SLC1A3: variants seen among roughly 807,000 people sequenced by gnomAD.
SLC1A3 encodes the protein solute carrier family 1 member 3.
SLC1A3 carries 21 observed loss-of-function variants against 48.1 expected under a neutral mutation model. The observed-to-expected ratio is 0.44, with a 90% CI of 0.31 to 0.63. The LOEUF (loss-of-function observed/expected upper bound fraction) is 0.63, where lower values mean the gene tolerates loss of function less well. SLC1A3 is among the 20% of genes least tolerant of loss of function. SLC1A3 has a pLI of 0.08. For synonymous variants in SLC1A3, 239 were observed against 251.4 expected, an observed-to-expected ratio of 0.95 and a Z score of 0.47; for missense variants, 546 against 689.0, an observed-to-expected ratio of 0.79 and a Z score of 2.32.
chr5:36,640,628 T>A (rs1368095821), intron 3 of SLC1A3, among the ~76,000 whole-genome samples: 1 of 152,126 alleles, frequency 6.6e-6, no homozygotes, highest in Non-Finnish European at 1.5e-5. Context: ...GGATAAGTAA[T>A]AAGTCAAAAA....
At chr5:36,644,160 T>C (rs777039550) in intron 3 of SLC1A3, among the ~76,000 whole-genome samples, 23 of 144,866 alleles carry the variant, frequency 1.6e-4, no homozygotes, top group Non-Finnish European at 2.4e-4. Context: ...CAAAGAGATA[T>C]AATAGCCAAA....
At chr5:36,659,428 A>C (rs142514044) in intron 3 of SLC1A3, among the ~76,000 whole-genome samples, 7 of 152,346 alleles carry the variant, frequency 4.6e-5, no homozygotes, top group Non-Finnish European at 1.0e-4. Flanking sequence ...CTTTTTTAAA[A>C]GCAAAAATAA....
intron 9 of SLC1A3, 135 bp downstream of exon 9, chr5:36,684,133 C>A: frequency 8.8e-7 from 1 of 1,139,068 alleles, no homozygotes; most frequent in Non-Finnish European, 1.3e-6. Context: ...TTAAATTGTC[C>A]TTATTGTCTG....
At chr5:36,681,340 G>A (rs893848993) in intron 8 of SLC1A3, among the ~76,000 whole-genome samples, 3 of 152,056 alleles carry the variant, frequency 2.0e-5, no homozygotes, top group Admixed American at 2.0e-4. Flanking sequence ...TACATAGTAT[G>A]GATATTTCTC....
chr5:36,621,048 G>A (rs1739644643), intron 2 of SLC1A3, among the ~76,000 whole-genome samples: 1 of 151,988 alleles, frequency 6.6e-6, no homozygotes, highest in South Asian at 2.1e-4. Flanking sequence ...TGGGACAACA[G>A]GTGTGCACCA....
rs186669262 is a variant in SLC1A3, at chr5:36,621,642, T to A, written c.182-7808T>A. Reference sequence around the variant, plus strand: ...CTTCATTTACAAATTAGAAAAAAAATTTGAAGCATAGAAGGCAATAGAGTT... The same window carrying A: ...CTTCATTTACAAATTAGAAAAAAAAATTGAAGCATAGAAGGCAATAGAGTT... On this transcript the variant is annotated intron_variant, in intron 2 of 9. Coordinates refer to ENST00000265113, the MANE Select transcript of SLC1A3 (RefSeq NM_004172.5). 9.8e-3 allele frequency among the ~76,000 whole-genome samples: 1,491 copies of A among 152,198 alleles called. 13 individuals carry two copies. Among genetic ancestry groups the A allele is most frequent in the Non-Finnish European group, 0.014 (961 of 67,982 alleles).
At chr5:36,598,803 A>G (rs1738772110) in intron 1 of SLC1A3, among the ~76,000 whole-genome samples, 1 of 152,032 alleles carries the variant, frequency 6.6e-6, no homozygotes, top group Non-Finnish European at 1.5e-5. Context: ...TGTATTTTTT[A>G]TAGAGACTGG....
chr5:36,680,542 TCAAGTTAA>T lies in SLC1A3; in HGVS notation c.1246_1253del (p.Val416LeufsTer2). 1 of 1,614,214 alleles carries T rather than the reference TCAAGTTAA, an allele frequency of 6.2e-7. No homozygotes were observed. Among genetic ancestry groups the T allele is most frequent in the Admixed American group, 1.7e-5 (1 of 60,030 alleles). ...AGGCTTTGGCTGCCATTTTCATTGC[TCAAGTTAA>T]CAACTTTGAACTGAACTTCGGACAA... On this transcript the variant is annotated frameshift_variant, in exon 8 of 10. Coordinates refer to ENST00000265113, the MANE Select transcript of SLC1A3 (RefSeq NM_004172.5). LOFTEE classifies it high-confidence loss of function.
rs1392859318 is a variant in SLC1A3 at position 36,680,605 on chromosome 5, TC to T, written c.1289+17del. On this transcript the variant is annotated intron_variant, in intron 8 of 9. Coordinates refer to ENST00000265113, the MANE Select transcript of SLC1A3 (RefSeq NM_004172.5). ...TTACAATCAGGTACAAGGAAAGAGT[TC>T]TATACACCCTTTCTTAAGAATGCCT... is the stretch of plus-strand genomic sequence containing the variant. The T allele has an allele frequency of 1.1e-5, 18 of 1,598,396 alleles. No homozygotes were observed. Among genetic ancestry groups the T allele is most frequent in the Non-Finnish European group, 1.5e-5 (18 of 1,165,712 alleles).
intron 2 of SLC1A3, among the ~76,000 whole-genome samples, chr5:36,625,195 C>T (rs928708294): frequency 1.3e-5 from 2 of 152,226 alleles, no homozygotes; most frequent in African/African-American, 2.4e-5. Flanking sequence ...CAGTGGCTCA[C>T]GCCTGTAATC....
intron 3 of SLC1A3, 62 bp downstream of exon 3, chr5:36,629,649 C>A: frequency 7.0e-7 from 1 of 1,437,760 alleles, no homozygotes; most frequent in Non-Finnish European, 9.8e-7. Context: ...CAAAAGATTG[C>A]TTAGAAAAGC....
intron 3 of SLC1A3, among the ~76,000 whole-genome samples, chr5:36,637,351 T>G (rs948455310): frequency 6.6e-6 from 1 of 152,218 alleles, no homozygotes; most frequent in African/African-American, 2.4e-5. Flanking sequence ...GGAATTGTTC[T>G]TCAATTAAAA....
At chr5:36,661,154 G>A (rs1201153479) in intron 3 of SLC1A3, among the ~76,000 whole-genome samples, 3 of 152,236 alleles carry the variant, frequency 2.0e-5, no homozygotes, top group Admixed American at 6.5e-5. Context: ...GCTCATGCCT[G>A]TAATCTCAGC....
intron 3 of SLC1A3, among the ~76,000 whole-genome samples, chr5:36,648,461 TC>T (rs1740924049): frequency 6.6e-6 from 1 of 152,216 alleles, no homozygotes; most frequent in Non-Finnish European, 1.5e-5. Context: ...ATGCATTCTG[TC>T]CCACGTTTCA....
At chr5:36,657,157 A>T (rs1741317833) in intron 3 of SLC1A3, among the ~76,000 whole-genome samples, 1 of 152,218 alleles carries the variant, frequency 6.6e-6, no homozygotes, top group Non-Finnish European at 1.5e-5. Flanking sequence ...CTCTAGATTG[A>T]TACTACTGAT....
At chr5:36,673,539 G>A (rs1427550378) in intron 4 of SLC1A3, among the ~76,000 whole-genome samples, 1 of 152,198 alleles carries the variant, frequency 6.6e-6, no homozygotes, top group Non-Finnish European at 1.5e-5. Flanking sequence ...GGCTACCAAA[G>A]AGTTGCAGAA....
Position 36,671,208 on chromosome 5 carries a change from G to A in SLC1A3, c.499G>A (p.Ala167Thr). 1.2e-6 allele frequency: 2 copies of A among 1,613,650 alleles called. No homozygotes were observed. Among genetic ancestry groups the A allele is most frequent in the Non-Finnish European group, 1.7e-6 (2 of 1,179,660 alleles). ...AGGCAAAATTGTACGAGTGACAGCT[G>A]CAGATGCCTTCCTGGACTTGATCAG... ...REGKIVRVTAADAFLDLIRNM... is the reference protein window; with the variant it reads ...REGKIVRVTATDAFLDLIRNM... The change falls in exon 4 of 10, where the codon GCA becomes ACA. Residue 167 changes from alanine (A) to threonine (T), a missense_variant. Transcript: ENST00000265113.
intron 3 of SLC1A3, chr5:36,667,991 C>G (rs866420663): frequency 6.6e-6 from 1 of 152,160 alleles, no homozygotes; most frequent in Non-Finnish European, 1.5e-5. Flanking sequence ...GCATGGCTGT[C>G]GTAACACACT....
At chr5:36,620,337 G>A (rs918232231) in intron 2 of SLC1A3, among the ~76,000 whole-genome samples, 1 of 152,118 alleles carries the variant, frequency 6.6e-6, no homozygotes, top group Non-Finnish European at 1.5e-5. Context: ...GAGCAAATTC[G>A]GGATCCATAG....
Sources: gnomAD v4.1 joint callset for allele counts (sites outside exome capture counted in the v4.1 genomes callset) on GRCh38, gnomAD v4.1.1 for gene constraint, MANE v1.5 for transcripts, NCBI Gene and HGNC (gene_info 2026-07-23, HGNC 2026-07-21) for gene names.